Variants in RNF150 observed in about 807,000 individuals in gnomAD.
The protein encoded by RNF150 is ring finger protein 150.
RNF150 carries 24 observed loss-of-function variants against 39.3 expected under a neutral mutation model. The ratio of observed to expected loss-of-function variants is 0.61; its 90% confidence interval spans 0.44 to 0.86. The LOEUF (loss-of-function observed/expected upper bound fraction) is 0.86, where lower values mean the gene tolerates loss of function less well. Among genes scored for constraint, RNF150 ranks in the 40% least tolerant of loss-of-function variants. The pLI is 0.00. For synonymous variants in RNF150, 255 were observed against 227.3 expected, an observed-to-expected ratio of 1.12 and a Z score of -1.10; for missense variants, 502 against 587.8, an observed-to-expected ratio of 0.85 and a Z score of 1.51.
chr4:141,015,594 C>T (rs1460016876), intron 1 of RNF150, among the ~76,000 whole-genome samples: 2 of 152,012 alleles, frequency 1.3e-5, no homozygotes, highest in Non-Finnish European at 2.9e-5. Flanking sequence ...TTTTTGGGTG[C>T]TGATTTTGTG....
chr4:141,044,928 T>C (rs1010333896), intron 1 of RNF150, among the ~76,000 whole-genome samples: 2 of 152,258 alleles, frequency 1.3e-5, no homozygotes, highest in Non-Finnish European at 2.9e-5. Flanking sequence ...AATATATTAA[T>C]GTTCTTAGTT....
At position 141,148,217 on chromosome 4, in the gene RNF150, T is replaced by C. The variant is rs537983413; in HGVS notation, c.-6+64577A>G. On this transcript the variant is annotated intron_variant, in intron 1 of 7. Coordinates refer to the RNF150 transcript ENST00000420921. ...AAAATCTTTGTAAAATAAAATAATA[T>C]ATAGGATGATGGCTTCCTCTTATAG... is the stretch of plus-strand genomic sequence containing the variant. Among the ~76,000 whole-genome samples the C allele has an allele frequency of 3.2e-4, 49 of 152,252 alleles. 1 individual carries two copies. The highest frequency in any genetic ancestry group is 1.2e-3 in the African/African-American group (49 of 41,558).
rs550587619 is a variant in RNF150 at position 141,074,862 on chromosome 4, TA to T, written c.484+57462del. On this transcript the variant is annotated intron_variant, in intron 1 of 6. Transcript: ENST00000515673. Reference sequence around the variant, plus strand: ...ACTCTAGCCATTAGGTTTATCCAGTTAACCTCTTGCACTGACCTTGCACACC... The same window carrying T: ...ACTCTAGCCATTAGGTTTATCCAGTTACCTCTTGCACTGACCTTGCACACC... 7.6e-4 allele frequency among the ~76,000 whole-genome samples: 116 copies of T among 152,328 alleles called. 2 individuals are homozygous for T. The highest frequency in any genetic ancestry group is 2.5e-3 in the African/African-American group (104 of 41,572).
chr4:141,170,760 T>C (rs1352757928), intron 1 of RNF150, among the ~76,000 whole-genome samples: 1 of 152,152 alleles, frequency 6.6e-6, no homozygotes, highest in Non-Finnish European at 1.5e-5. Flanking sequence ...AAATGGTAAA[T>C]CACCTCATAT....
At position 140,929,031 on chromosome 4, in the gene RNF150, A is replaced by G. The variant is rs527634726; in HGVS notation, c.891-2958T>C. The stretch of plus-strand genomic sequence containing the variant: ...GCACACAGTTGATGCTTAAGTTCCT[A>G]ATCTGAACTTGCTCACCAACTGGTG... On this transcript the variant is annotated intron_variant, in intron 4 of 6. Coordinates refer to ENST00000515673, the MANE Select transcript of RNF150 (RefSeq NM_020724.2). Among the ~76,000 whole-genome samples, 12 of 152,168 alleles carry G rather than the reference A, an allele frequency of 7.9e-5. No individual in the cohort carries two copies. The South Asian group carries it at 2.1e-3, about 26-fold the overall frequency.
chr4:141,131,836 G>C (rs191017645), intron 1 of RNF150, among the ~76,000 whole-genome samples: 1 of 151,960 alleles, frequency 6.6e-6, no homozygotes, highest in Non-Finnish European at 1.5e-5. Flanking sequence ...AACCCAAAAG[G>C]GGAAACTCTC....
rs935274433 is a variant in RNF150, at chr4:141,059,524, AT to A, written c.484+72800del. On this transcript the variant is annotated intron_variant, in intron 1 of 6. Transcript: ENST00000515673. ...TTGCTCCAGGGTCCAATTTTCCTGC[AT>A]TTTTTTTTAGAATTCATCCAGTTGC... is the stretch of plus-strand genomic sequence containing the variant. 7.3e-5 allele frequency among the ~76,000 whole-genome samples: 11 copies of A among 150,822 alleles called. No homozygotes were observed. The East Asian group carries it at 1.4e-3, about 19-fold the overall frequency.
intron 1 of RNF150, among the ~76,000 whole-genome samples, chr4:141,127,939 C>T (rs1403904458): frequency 6.6e-6 from 1 of 152,184 alleles, no homozygotes; most frequent in Non-Finnish European, 1.5e-5. Context: ...CATGCCCTTG[C>T]TACGATGAGA....
At chr4:141,057,126 T>C (rs937284252) in intron 1 of RNF150, among the ~76,000 whole-genome samples, 2 of 152,096 alleles carry the variant, frequency 1.3e-5, no homozygotes, top group African/African-American at 2.4e-5. Context: ...TGGTGTACCA[T>C]CAGGCTCCAC....
chr4:141,155,083 T>A (rs1727361410), intron 1 of RNF150, among the ~76,000 whole-genome samples: 1 of 152,104 alleles, frequency 6.6e-6, no homozygotes, highest in Admixed American at 6.5e-5. Context: ...GAGAGCTTTA[T>A]GTTTTATTTT....
intron 2 of RNF150, among the ~76,000 whole-genome samples, chr4:140,958,732 C>T (rs778456057): frequency 1.4e-4 from 22 of 152,036 alleles, no homozygotes; most frequent in Non-Finnish European, 3.2e-4. Flanking sequence ...GTCCAGGCTA[C>T]ACGGTGTAGA....
rs1020337210 is a variant in RNF150 at position 141,022,209 on chromosome 4, G to GT, written c.485-54337dup. ...AAGTCTTATAATCTCTTTGCACTGG[G>GT]TTTTTTTTATTTTTTATTCTTTTTT... On this transcript the variant is annotated intron_variant, in intron 1 of 6. Coordinates refer to ENST00000515673, the MANE Select transcript of RNF150 (RefSeq NM_020724.2). Among the ~76,000 whole-genome samples the GT allele has an allele frequency of 1.6e-4, 24 of 151,998 alleles. No individual in the cohort carries two copies. The South Asian group carries it at 2.7e-3, about 17-fold the overall frequency.
chr4:141,044,734 T>G (rs994233217), intron 1 of RNF150, among the ~76,000 whole-genome samples: 24 of 151,702 alleles, frequency 1.6e-4, no homozygotes, highest in African/African-American at 5.8e-4. Context: ...TCCCTACACA[T>G]GTTGGAGTAA....
At chr4:140,888,730 G>C (rs1189931230) in intron 6 of RNF150, among the ~76,000 whole-genome samples, 2 of 152,170 alleles carry the variant, frequency 1.3e-5, no homozygotes, top group Non-Finnish European at 2.9e-5. Flanking sequence ...CTTTCTTCTT[G>C]TTTCCTTACT....
At chr4:140,909,146 C>A (rs1192403754) in intron 6 of RNF150, among the ~76,000 whole-genome samples, 1 of 152,112 alleles carries the variant, frequency 6.6e-6, no homozygotes, top group Non-Finnish European at 1.5e-5. Context: ...TACTATTTGA[C>A]CTGAGTCAGA....
chr4:140,980,228 A>G (rs1733810044), intron 1 of RNF150, among the ~76,000 whole-genome samples: 1 of 151,978 alleles, frequency 6.6e-6, no homozygotes, highest in Non-Finnish European at 1.5e-5. Context: ...TTTTTAGGGA[A>G]GATGGGGTTT....
intron 1 of RNF150, among the ~76,000 whole-genome samples, chr4:141,042,348 C>T (rs989733343): frequency 2.0e-5 from 3 of 152,022 alleles, no homozygotes; most frequent in African/African-American, 7.2e-5. Context: ...ATCAACTTTC[C>T]AGGTCTCTTT....
intron 6 of RNF150, among the ~76,000 whole-genome samples, chr4:140,884,042 C>A (rs1392484519): frequency 6.6e-6 from 1 of 151,880 alleles, no homozygotes; most frequent in Non-Finnish European, 1.5e-5. Flanking sequence ...CTGATTCTTC[C>A]TTCTGTTTAA....
intron 2 of RNF150, among the ~76,000 whole-genome samples, chr4:140,966,155 T>C (rs964285648): frequency 1.1e-4 from 17 of 152,080 alleles, no homozygotes; most frequent in Non-Finnish European, 2.2e-4. Context: ...GCCAACATAG[T>C]GAAAACCCAC....
Sources: allele counts gnomAD v4.1 joint callset (sites outside exome capture counted in the v4.1 genomes callset), GRCh38; gene constraint gnomAD v4.1.1; transcripts MANE v1.5; gene names NCBI Gene and HGNC (gene_info 2026-07-23, HGNC 2026-07-21).